PDE8B: variants seen among roughly 807,000 people sequenced by gnomAD.
PDE8B encodes the protein high affinity cAMP-specific and IBMX-insensitive 3',5'-cyclic phosphodiesterase 8B.
In PDE8B, 26 loss-of-function variants were observed where a neutral mutation model predicts 101.3. The observed-to-expected ratio is 0.26, with a 90% CI of 0.19 to 0.36. The LOEUF (loss-of-function observed/expected upper bound fraction) is 0.36, where lower values mean the gene tolerates loss of function less well. PDE8B is among the 10% of genes least tolerant of loss of function. The pLI, the probability that PDE8B is intolerant of heterozygous loss-of-function variation, is 1.00. For synonymous variants in PDE8B, 424 were observed against 429.3 expected (o/e 0.99, Z 0.15); for missense variants, 810 against 1,163.1 (o/e 0.70, Z 4.42).
At chr5:77,130,841 GA>G in the PDE8B span, among the ~76,000 whole-genome samples, 1 of 152,160 alleles carries the variant, frequency 6.6e-6, no homozygotes, top group Non-Finnish European at 1.5e-5. Flanking sequence ...CTGAATTGTA[GA>G]AAAGAGATTA....
chr5:77,385,484 T>C (rs1788365322), intron 10 of PDE8B, among the ~76,000 whole-genome samples: 1 of 152,018 alleles, frequency 6.6e-6, no homozygotes, highest in South Asian at 2.1e-4. Context: ...TCTTCAATTC[T>C]GCTCTGATCT....
At chr5:77,256,246 A>G (rs1420502129) in intron 1 of PDE8B, among the ~76,000 whole-genome samples, 1 of 152,184 alleles carries the variant, frequency 6.6e-6, no homozygotes, top group Non-Finnish European at 1.5e-5. Context: ...CAGTGTTTAC[A>G]TTGGGTACGT....
chr5:77,372,349 A>G (rs1785217885), intron 10 of PDE8B, among the ~76,000 whole-genome samples: 2 of 152,204 alleles, frequency 1.3e-5, no homozygotes, highest in Non-Finnish European at 2.9e-5. Context: ...TTTCACATCT[A>G]TTTAGGATGG....
At chr5:77,237,287 T>C (rs990531973) in intron 1 of PDE8B, among the ~76,000 whole-genome samples, 1 of 152,230 alleles carries the variant, frequency 6.6e-6, no homozygotes, top group African/African-American at 2.4e-5. Context: ...TGCTTTATGT[T>C]TGCTTCCCCT....
intron 10 of PDE8B, among the ~76,000 whole-genome samples, chr5:77,373,437 T>C (rs910355682): frequency 1.3e-5 from 2 of 152,236 alleles, no homozygotes; most frequent in Non-Finnish European, 2.9e-5. Context: ...ATCAAGATAA[T>C]GAACATATCT....
At chr5:77,193,639 G>T in the PDE8B span, among the ~76,000 whole-genome samples, 10 of 151,972 alleles carry the variant, frequency 6.6e-5, no homozygotes, top group African/African-American at 2.4e-4. Flanking sequence ...AAATTCATTT[G>T]ATTATTCTAG....
At chr5:77,180,499 C>T in the PDE8B span, 28 of 984,964 alleles carry the variant, frequency 2.8e-5, no homozygotes, top group Non-Finnish European at 2.5e-5. Flanking sequence ...GAGCCCCCAG[C>T]GCGGGGGACC....
the PDE8B span, among the ~76,000 whole-genome samples, chr5:77,099,752 G>T: frequency 3.9e-5 from 6 of 152,064 alleles, 1 homozygote; most frequent in Admixed American, 3.9e-4. Context: ...TGGGACTATA[G>T]GTGCACGTCA....
intron 2 of PDE8B, 145 bp from the exon 3 acceptor site, chr5:77,325,394 A>G (rs1382797554): frequency 2.7e-6 from 2 of 751,810 alleles, no homozygotes; most frequent in East Asian, 2.5e-5. Context: ...GGTCTTGAAC[A>G]CCTGGGCTTA....
intron 1 of PDE8B, among the ~76,000 whole-genome samples, chr5:77,267,448 A>G (rs2149746701): frequency 6.6e-6 from 1 of 151,090 alleles, no homozygotes; most frequent in African/African-American, 2.5e-5. Context: ...TCAAAAAAAA[A>G]AAAAAAAGGG....
intron 1 of PDE8B, among the ~76,000 whole-genome samples, chr5:77,301,530 A>G (rs1048277493): frequency 6.6e-6 from 1 of 152,200 alleles, no homozygotes; most frequent in African/African-American, 2.4e-5. Context: ...CACAGTCTGG[A>G]TAATTGCCTC....
In PDE8B at chr5:77,259,326, T is replaced by A. The variant is rs140323840; in HGVS notation, c.339+48062T>A. Among the ~76,000 whole-genome samples the A allele has an allele frequency of 2.2e-4, 33 of 152,250 alleles. No individual in the cohort carries two copies. In the East Asian group the frequency reaches 6.2e-3, roughly 29 times the overall value. ...GCCCATAGAACAGGTTACAAACCTT[T>A]GCCCCACAAGAGATTGGAATGTAAG... On this transcript the variant is annotated intron_variant, in intron 1 of 21. Transcript: ENST00000264917.
At chr5:77,363,944 A>G (rs886690863) in intron 10 of PDE8B, among the ~76,000 whole-genome samples, 1 of 152,070 alleles carries the variant, frequency 6.6e-6, no homozygotes, top group African/African-American at 2.4e-5. Context: ...CAGGGTCCAC[A>G]GCCACCCCAG....
At chr5:77,114,958 A>T in the PDE8B span, 1 of 152,224 alleles carries the variant, frequency 6.6e-6, no homozygotes, top group Admixed American at 6.5e-5. Flanking sequence ...CTCTTAAATA[A>T]CATTAAAATT....
At chr5:77,095,633 T>C in the PDE8B span, among the ~76,000 whole-genome samples, 1 of 152,226 alleles carries the variant, frequency 6.6e-6, no homozygotes, top group African/African-American at 2.4e-5. Flanking sequence ...TCAAACAAGA[T>C]GAATTTTTTG....
In PDE8B at chr5:77,351,081, A is replaced by G. The variant is rs528200056; in HGVS notation, c.1034A>G (p.Tyr345Cys). The G allele has an allele frequency of 6.2e-7, 1 of 1,613,774 alleles. No individual in the cohort carries two copies. The highest frequency in any genetic ancestry group is 2.2e-5 in the East Asian group (1 of 44,878). ...IKKGKEWQGV[Y>C]YARRKSGDSI... Reference sequence around the variant, plus strand: ...TCCATGTAGGAGTGGCAGGGGGTTTACTATGCCAGACGGAAATCCGGGGAC... The same window carrying G: ...TCCATGTAGGAGTGGCAGGGGGTTTGCTATGCCAGACGGAAATCCGGGGAC... Residue 345 changes from tyrosine to cysteine, a missense_variant, in exon 9 of 22, where the codon TAC becomes TGC. Coordinates refer to ENST00000264917, the MANE Select transcript of PDE8B (RefSeq NM_003719.5).
At chr5:77,414,334 G>C (rs1050611873) in intron 17 of PDE8B, among the ~76,000 whole-genome samples, 1 of 152,192 alleles carries the variant, frequency 6.6e-6, no homozygotes, top group Non-Finnish European at 1.5e-5. Flanking sequence ...AACTAATAGT[G>C]ATATCAACCT....
At chr5:77,239,016 T>C (rs1034492993) in intron 1 of PDE8B, among the ~76,000 whole-genome samples, 1 of 152,222 alleles carries the variant, frequency 6.6e-6, no homozygotes, top group Admixed American at 6.5e-5. Flanking sequence ...CTCAGATATG[T>C]TTTAAAAGCT....
At chr5:77,232,235 T>G (rs1357990551) in intron 1 of PDE8B, among the ~76,000 whole-genome samples, 1 of 152,246 alleles carries the variant, frequency 6.6e-6, no homozygotes, top group African/African-American at 2.4e-5. Context: ...CAAAAGCTTC[T>G]TGTCTTTTAG....
Sources: allele counts gnomAD v4.1 joint callset (sites outside exome capture counted in the v4.1 genomes callset), GRCh38; gene constraint gnomAD v4.1.1; transcripts MANE v1.5; gene names NCBI Gene and HGNC (gene_info 2026-07-23, HGNC 2026-07-21).